EPB41L3: variants seen among roughly 807,000 people sequenced by gnomAD.
EPB41L3 encodes erythrocyte membrane protein band 4.1 like 3.
Under a neutral mutation model 127.1 loss-of-function variants are expected in EPB41L3, and 57 were observed. That is an observed-to-expected ratio of 0.45 (90% CI 0.36 to 0.56). EPB41L3 has a LOEUF of 0.56. Ranked by LOEUF, EPB41L3 falls within the 20% of genes least tolerant of loss-of-function variation. The pLI is 0.00. For missense variants in EPB41L3, 1,273 were observed against 1,372.2 expected, an observed-to-expected ratio of 0.93 and a Z score of 1.14; for synonymous variants, 572 against 549.5, an observed-to-expected ratio of 1.04 and a Z score of -0.57.
At position 5,428,710 on chromosome 18, in the gene EPB41L3, C is replaced by T. The variant is rs56703417; in HGVS notation, c.913-245G>A. 6.8e-3 allele frequency among the ~76,000 whole-genome samples: 1,040 copies of T among 152,286 alleles called. 9 individuals carry two copies. Among genetic ancestry groups the T allele is most frequent in the African/African-American group, 0.024 (986 of 41,550 alleles). ...GTGTCTCAGACTTACAAAGTAAATA[C>T]TGCACACCAAGAGGGCCCAGCTCAT... is the stretch of plus-strand genomic sequence containing the variant. On this transcript the variant is annotated intron_variant, in intron 8 of 22. Transcript: ENST00000341928.
chr18:5,402,061 T>C (rs1389222034), intron 16 of EPB41L3, among the ~76,000 whole-genome samples: 2 of 151,980 alleles, frequency 1.3e-5, no homozygotes, highest in African/African-American at 4.8e-5. Flanking sequence ...TGCAAGAGAT[T>C]GTAGGGGAAC....
At chr18:5,443,901 T>A in intron 4 of EPB41L3, 21 bp from the exon 5 acceptor site, 1 of 1,600,288 alleles carries the variant, frequency 6.2e-7, no homozygotes, top group East Asian at 2.2e-5. Flanking sequence ...AATGACATTT[T>A]GAATTTGAAT....
intron 3 of EPB41L3, among the ~76,000 whole-genome samples, chr18:5,454,772 T>C (rs1210467449): frequency 6.6e-6 from 1 of 152,232 alleles, no homozygotes; most frequent in Non-Finnish European, 1.5e-5. Flanking sequence ...AATAGGAATA[T>C]GAAACTACTT....
intron 5 of EPB41L3, among the ~76,000 whole-genome samples, chr18:5,440,187 T>C (rs556628106): frequency 1.1e-4 from 17 of 152,210 alleles, no homozygotes; most frequent in Non-Finnish European, 2.5e-4. Context: ...AGCTTCCTTA[T>C]GTTTCTAATA....
At chr18:5,412,837 T>C (rs1381814513) in intron 13 of EPB41L3, among the ~76,000 whole-genome samples, 5 of 148,302 alleles carry the variant, frequency 3.4e-5, no homozygotes, top group Non-Finnish European at 5.9e-5. Flanking sequence ...GGATAGTAAG[T>C]GCTCTATATA....
chr18:5,517,645 C>T (rs1442256166), intron 1 of EPB41L3, among the ~76,000 whole-genome samples: 1 of 152,056 alleles, frequency 6.6e-6, no homozygotes, highest in African/African-American at 2.4e-5. Context: ...ACCACGTTGG[C>T]CAGGCTAGTC....
At chr18:5,523,221 T>TGCTA (rs2093070161) in intron 1 of EPB41L3, among the ~76,000 whole-genome samples, 1 of 152,224 alleles carries the variant, frequency 6.6e-6, no homozygotes, top group South Asian at 2.1e-4. Context: ...CATCAAATGA[T>TGCTA]GCTAGACATG....
At chr18:5,460,967 CA>C (rs1232317638) in intron 3 of EPB41L3, among the ~76,000 whole-genome samples, 1 of 152,068 alleles carries the variant, frequency 6.6e-6, no homozygotes, top group African/African-American at 2.4e-5. Context: ...ATAGAAACCC[CA>C]AGTTAAAGTA....
chr18:5,430,297 C>T (rs2078815011), intron 8 of EPB41L3, among the ~76,000 whole-genome samples: 1 of 152,134 alleles, frequency 6.6e-6, no homozygotes, highest in African/African-American at 2.4e-5. Context: ...CTTCCTTCTC[C>T]TGGAGACAAA....
chr18:5,415,817 C>T lies in EPB41L3; in HGVS notation c.2067+1G>A, dbSNP rs2076727398. 3 of 1,611,344 alleles carry T rather than the reference C, an allele frequency of 1.9e-6. No homozygotes were observed. Among genetic ancestry groups the T allele is most frequent in the Non-Finnish European group, 2.5e-6 (3 of 1,179,450 alleles). ...AGCGTGTTCTATGCCGAGGTACACA[C>T]CTCTTCCTCTGAACTGTCACTCGGG... is the stretch of plus-strand genomic sequence containing the variant. On this transcript the variant is annotated splice_donor_variant, in intron 13 of 22. Coordinates refer to ENST00000341928, the MANE Select transcript of EPB41L3 (RefSeq NM_012307.5). LOFTEE classifies it high-confidence loss of function.
chr18:5,472,986 T>C (rs866627760), intron 3 of EPB41L3, among the ~76,000 whole-genome samples: 3 of 152,314 alleles, frequency 2.0e-5, no homozygotes, highest in Middle Eastern at 3.4e-3. Flanking sequence ...ACCGTTTCTG[T>C]ACTTCAGATT....
intron 3 of EPB41L3, among the ~76,000 whole-genome samples, chr18:5,457,004 G>C (rs1421993282): frequency 6.6e-6 from 1 of 152,256 alleles, no homozygotes; most frequent in Non-Finnish European, 1.5e-5. Context: ...GGTAGTCACT[G>C]CTCCTTCCCG....
chr18:5,525,032 T>C (rs1180817993), intron 1 of EPB41L3, among the ~76,000 whole-genome samples: 1 of 152,212 alleles, frequency 6.6e-6, no homozygotes, highest in African/African-American at 2.4e-5. Context: ...TTTCTAATCA[T>C]TCATTCGTGG....
chr18:5,498,006 A>G (rs1463836940), intron 1 of EPB41L3, among the ~76,000 whole-genome samples: 1 of 152,212 alleles, frequency 6.6e-6, no homozygotes, highest in Admixed American at 6.5e-5. Flanking sequence ...TAAAGTTTCT[A>G]TGTGGTCTGT....
chr18:5,578,557 T>C (rs1568600755), intron 3 of EPB41L3, among the ~76,000 whole-genome samples: 1 of 152,122 alleles, frequency 6.6e-6, no homozygotes, highest in Non-Finnish European at 1.5e-5. Context: ...TGCAAACCAA[T>C]AAGAAGATGA....
At chr18:5,630,520 T>C (rs971448362), upstream of EPB41L3, 2 of 517,654 alleles carry the variant, frequency 3.9e-6, no homozygotes, top group Admixed American at 3.9e-5. Context: ...GCTCTTTCCT[T>C]CGAATTCTCC....
intron 3 of EPB41L3, among the ~76,000 whole-genome samples, chr18:5,610,436 A>G (rs2094713116): frequency 6.6e-6 from 1 of 152,154 alleles, no homozygotes; most frequent in African/African-American, 2.4e-5. Context: ...TCTCATGAAC[A>G]TTTTCATTAA....
At chr18:5,510,289 T>A (rs536748380) in intron 1 of EPB41L3, among the ~76,000 whole-genome samples, 3 of 152,134 alleles carry the variant, frequency 2.0e-5, no homozygotes, top group Non-Finnish European at 4.4e-5. Flanking sequence ...AGTCCCAACT[T>A]TCTTCCCTAA....
chr18:5,541,034 G>C (rs1292441576), intron 1 of EPB41L3, among the ~76,000 whole-genome samples: 4 of 145,996 alleles, frequency 2.7e-5, no homozygotes, highest in African/African-American at 1.0e-4. Context: ...GCAGTGAGCC[G>C]AGATCGCACC....
Sources: gnomAD v4.1 joint callset for allele counts (sites outside exome capture counted in the v4.1 genomes callset) on GRCh38, gnomAD v4.1.1 for gene constraint, MANE v1.5 for transcripts, NCBI Gene and HGNC (gene_info 2026-07-23, HGNC 2026-07-21) for gene names.